ASTN2: variants seen among roughly 807,000 people sequenced by gnomAD.
ASTN2 encodes astrotactin 2, also known as astrotactin-2.
Under a neutral mutation model 139.8 loss-of-function variants are expected in ASTN2, and 54 were observed. The ratio of observed to expected loss-of-function variants is 0.39; its 90% confidence interval spans 0.31 to 0.48. The LOEUF (loss-of-function observed/expected upper bound fraction) is 0.48. Among genes scored for constraint, ASTN2 ranks in the 20% least tolerant of loss-of-function variants. The probability of loss-of-function intolerance (pLI) is 0.95; values close to 1 mark genes in which losing one functional copy is unlikely to be tolerated. For missense variants in ASTN2, 1,565 were observed against 1,725.1 expected (o/e 0.91, Z 1.64); for synonymous variants, 756 against 719.5 (o/e 1.05, Z -0.81).
intron 13 of ASTN2, among the ~76,000 whole-genome samples, chr9:116,734,390 A>T (rs1203837165): frequency 1.3e-5 from 2 of 152,128 alleles, no homozygotes; most frequent in African/African-American, 4.8e-5. Flanking sequence ...CCTGCCTAAA[A>T]ATTAACAGCC....
chr9:116,776,993 G>C (rs1367252735), intron 13 of ASTN2, among the ~76,000 whole-genome samples: 1 of 152,134 alleles, frequency 6.6e-6, no homozygotes, highest in African/African-American at 2.4e-5. Context: ...TAAAGGTTCT[G>C]GATTTTGAGC....
chr9:116,684,519 C>T (rs7863195), intron 16 of ASTN2, among the ~76,000 whole-genome samples: 6,903 of 152,174 alleles, frequency 0.045, 541 homozygotes, highest in African/African-American at 0.16. Flanking sequence ...TATTGTACTC[C>T]TCATCCTAGG....
intron 11 of ASTN2, among the ~76,000 whole-genome samples, chr9:116,859,581 T>C (rs1564309336): frequency 6.6e-6 from 1 of 152,212 alleles, no homozygotes; most frequent in Non-Finnish European, 1.5e-5. Context: ...GAAGTAAAGG[T>C]CATCTGAGCT....
chr9:117,149,372 G>A (rs1209249416), intron 3 of ASTN2, among the ~76,000 whole-genome samples: 1 of 152,066 alleles, frequency 6.6e-6, no homozygotes, highest in Non-Finnish European at 1.5e-5. Context: ...AAAGGAAATA[G>A]AAGGATAGAG....
intron 6 of ASTN2, among the ~76,000 whole-genome samples, chr9:117,032,879 G>T (rs1838286178): frequency 6.6e-6 from 1 of 152,146 alleles, no homozygotes; most frequent in African/African-American, 2.4e-5. Context: ...CAGTCATAGG[G>T]AACAGAGAAG....
rs35224783 is a variant in ASTN2 at position 116,600,323 on chromosome 9, C to CAA, written c.3355+17999_3355+18000dup. Among the ~76,000 whole-genome samples the CAA allele has an allele frequency of 5.3e-3, 625 of 118,844 alleles. 4 individuals are homozygous for CAA. Among genetic ancestry groups the CAA allele is most frequent in the African/African-American group, 0.017 (503 of 29,102 alleles). The allele number at this position is 118,844 out of a possible 152,430, so 78.0% of individuals were successfully genotyped here. A position where few individuals can be genotyped will look rare whatever the true frequency, so the allele number is the denominator to read the frequency against. ...TGGGCAACAGAATGAGACCCTGTCT[C>CAA]AAAAAAAAAAAAAAAAAAAAAAAAG... is the stretch of plus-strand genomic sequence containing the variant. On this transcript the variant is annotated intron_variant, in intron 19 of 22. Coordinates refer to ENST00000313400, the MANE Select transcript of ASTN2 (RefSeq NM_001365068.1).
chr9:117,238,929 G>T (rs1041653119), intron 2 of ASTN2, among the ~76,000 whole-genome samples: 2 of 152,140 alleles, frequency 1.3e-5, no homozygotes, highest in African/African-American at 4.8e-5. Context: ...TTTACATGCA[G>T]ATATTAAAAT....
chr9:117,260,016 T>G (rs1221418404), intron 2 of ASTN2, among the ~76,000 whole-genome samples: 1 of 152,216 alleles, frequency 6.6e-6, no homozygotes, highest in African/African-American at 2.4e-5. Flanking sequence ...CTTCCTGTCC[T>G]TCTTTCTTCT....
intron 4 of ASTN2, among the ~76,000 whole-genome samples, chr9:117,136,743 C>G (rs931427824): frequency 1.3e-5 from 2 of 152,112 alleles, no homozygotes; most frequent in Non-Finnish European, 1.5e-5. Context: ...ATTTATGAGA[C>G]GCTGCAGGCC....
At chr9:116,898,409 CA>C (rs60880553) in intron 10 of ASTN2, among the ~76,000 whole-genome samples, 16 of 138,610 alleles carry the variant, frequency 1.2e-4, no homozygotes, top group Non-Finnish European at 9.2e-5. Context: ...GACCCTGTCT[CA>C]AAAAAAAAAA....
intron 19 of ASTN2, among the ~76,000 whole-genome samples, chr9:116,507,626 T>C (rs1564327589): frequency 6.6e-6 from 1 of 152,150 alleles, no homozygotes; most frequent in Non-Finnish European, 1.5e-5. Flanking sequence ...TCAGAATATT[T>C]TGGAATTAGT....
At chr9:117,089,880 A>G (rs1828662314) in intron 5 of ASTN2, among the ~76,000 whole-genome samples, 1 of 152,256 alleles carries the variant, frequency 6.6e-6, no homozygotes, top group African/African-American at 2.4e-5. Context: ...ATGGTCAAGT[A>G]GTATTCCATC....
intron 16 of ASTN2, among the ~76,000 whole-genome samples, chr9:116,672,764 T>C (rs757652569): frequency 1.3e-5 from 2 of 152,332 alleles, no homozygotes; most frequent in South Asian, 4.1e-4. Flanking sequence ...CAAGAATTGT[T>C]TCAAAATATC....
chr9:116,921,710 G>A (rs925826843), intron 10 of ASTN2, among the ~76,000 whole-genome samples: 2 of 152,104 alleles, frequency 1.3e-5, no homozygotes, highest in Admixed American at 1.3e-4. Context: ...TGTTGGAAGG[G>A]GAAGCAGGCA....
At chr9:117,172,531 A>G (rs1830819226) in intron 3 of ASTN2, among the ~76,000 whole-genome samples, 1 of 152,252 alleles carries the variant, frequency 6.6e-6, no homozygotes, top group East Asian at 1.9e-4. Context: ...ATCTACATGC[A>G]TCACCTCATA....
chr9:117,109,357 A>AATAAATAAAT (rs201829882), intron 4 of ASTN2, among the ~76,000 whole-genome samples: 11,088 of 105,202 alleles, frequency 0.11, 501 homozygotes, highest in East Asian at 0.19. Flanking sequence ...TAAATAAATA[A>AATAAATAAAT]AAATAAATAA....
At chr9:116,530,150 T>TATAA (rs1851279812) in intron 19 of ASTN2, among the ~76,000 whole-genome samples, 17 of 21,082 alleles carry the variant, frequency 8.1e-4, no homozygotes, top group African/African-American at 2.7e-3. Flanking sequence ...TATATATATA[T>TATAA]AAAATAGAAT....
intron 2 of ASTN2, among the ~76,000 whole-genome samples, chr9:117,221,338 C>T (rs564012465): frequency 6.6e-6 from 1 of 151,920 alleles, no homozygotes; most frequent in Non-Finnish European, 1.5e-5. Flanking sequence ...CACTGTTTGG[C>T]CTGGCCTCAT....
chr9:117,285,847 T>C (rs938709428), intron 2 of ASTN2, among the ~76,000 whole-genome samples: 7 of 152,222 alleles, frequency 4.6e-5, no homozygotes, highest in Non-Finnish European at 8.8e-5. Flanking sequence ...CCGTGGCATT[T>C]TCTTTGGGAT....
Sources: gnomAD v4.1 joint callset for allele counts (sites outside exome capture counted in the v4.1 genomes callset) on GRCh38, gnomAD v4.1.1 for gene constraint, MANE v1.5 for transcripts, NCBI Gene and HGNC (gene_info 2026-07-23, HGNC 2026-07-21) for gene names.